SREBF2: variants seen among roughly 807,000 people sequenced by gnomAD.
The protein encoded by SREBF2 is sterol regulatory element binding transcription factor 2.
SREBF2 carries 55 observed loss-of-function variants against 113.1 expected under a neutral mutation model. That is an observed-to-expected ratio of 0.49 (90% CI 0.39 to 0.61). SREBF2 has a LOEUF of 0.61. SREBF2 is among the 20% of genes least tolerant of loss of function. SREBF2 has a pLI of 0.00. For missense variants in SREBF2, 1,349 were observed against 1,487.4 expected (o/e 0.91, Z 1.53); for synonymous variants, 593 against 605.7 (o/e 0.98, Z 0.31).
At chr22:41,836,999 C>G (rs2076781940) in intron 1 of SREBF2, among the ~76,000 whole-genome samples, 1 of 152,166 alleles carries the variant, frequency 6.6e-6, no homozygotes, top group Non-Finnish European at 1.5e-5. Flanking sequence ...TCTAAGTATT[C>G]ATGATGGACA....
intron 8 of SREBF2, 119 bp downstream of exon 8, chr22:41,877,540 C>T: frequency 1.7e-6 from 2 of 1,195,188 alleles, no homozygotes; most frequent in South Asian, 2.6e-5. Flanking sequence ...ATAGTGGGCC[C>T]CCACCTGCTT....
chr22:41,863,400 T>C (rs1036493995), intron 1 of SREBF2, among the ~76,000 whole-genome samples: 1 of 152,260 alleles, frequency 6.6e-6, no homozygotes, highest in Non-Finnish European at 1.5e-5. Context: ...CTTCTGGCTC[T>C]GTGTTACAGC....
chr22:41,871,154 C>T (rs1056195569), intron 4 of SREBF2, 119 bp downstream of exon 4: 15 of 1,363,590 alleles, frequency 1.1e-5, no homozygotes, highest in South Asian at 2.6e-5. Flanking sequence ...TAGCACAAAT[C>T]AGTCAAATTG....
intron 1 of SREBF2, among the ~76,000 whole-genome samples, chr22:41,853,619 C>G (rs895641293): frequency 1.5e-4 from 23 of 152,188 alleles, no homozygotes; most frequent in African/African-American, 5.5e-4. Context: ...ACATACTTAC[C>G]TCCCTAAAAG....
chr22:41,894,611 T>C (rs1208216281), intron 12 of SREBF2, among the ~76,000 whole-genome samples: 3 of 152,112 alleles, frequency 2.0e-5, no homozygotes. Flanking sequence ...CCGGAGCTCA[T>C]CCAGAACTAG....
intron 16 of SREBF2, among the ~76,000 whole-genome samples, chr22:41,901,717 A>C (rs979311521): frequency 2.0e-5 from 3 of 152,224 alleles, no homozygotes; most frequent in Non-Finnish European, 4.4e-5. Flanking sequence ...CCAAAGGCAG[A>C]TGGTGAGCCA....
intron 13 of SREBF2, 110 bp downstream of exon 13, chr22:41,895,047 G>A: frequency 3.6e-6 from 3 of 827,418 alleles, no homozygotes; most frequent in East Asian, 5.2e-5. Flanking sequence ...CATCGGGTTG[G>A]CAGGGCAATC....
intron 15 of SREBF2, chr22:41,899,460 G>A (rs1043887303): frequency 2.8e-5 from 28 of 996,004 alleles, no homozygotes; most frequent in Non-Finnish European, 3.2e-5. Flanking sequence ...CTCCAAGACA[G>A]AAAGGCCCCA....
chr22:41,879,374 T>C (rs2077225448), intron 9 of SREBF2, among the ~76,000 whole-genome samples: 1 of 151,716 alleles, frequency 6.6e-6, no homozygotes, highest in African/African-American at 2.4e-5. Context: ...CCCTGTAGAG[T>C]GAGCAGTGAT....
At chr22:41,849,772 C>T (rs1415567313) in intron 1 of SREBF2, among the ~76,000 whole-genome samples, 1 of 152,132 alleles carries the variant, frequency 6.6e-6, no homozygotes, top group African/African-American at 2.4e-5. Context: ...TTTCCCCATT[C>T]CCCTTGATGC....
At position 41,877,384 on chromosome 22, in the gene SREBF2, C is replaced by T. The variant is rs1448218712; in HGVS notation, c.1542C>T (p.His514=). ...GGAHDSDQHP[H]SGSGRSVLSF... ...CCCACGACTCTGACCAGCACCCACA[C>T]TCAGGCTCTGGCCGCAGTGTCCTGT... The change falls in exon 8 of 19, where the codon CAC becomes CAT. Residue 514 remains histidine (H), a synonymous_variant. Transcript: ENST00000361204. 1.9e-6 allele frequency: 3 copies of T among 1,614,208 alleles called. No individual in the cohort carries two copies. Among genetic ancestry groups the T allele is most frequent in the South Asian group, 2.2e-5 (2 of 91,088 alleles).
intron 1 of SREBF2, among the ~76,000 whole-genome samples, chr22:41,864,249 T>TATATATAC (rs2077051404): frequency 1.0e-5 from 1 of 96,798 alleles, no homozygotes; most frequent in African/African-American, 4.2e-5. Context: ...TATATATATA[T>TATATATAC]ATATATATAT....
At chr22:41,852,098 G>A (rs1007885493) in intron 1 of SREBF2, among the ~76,000 whole-genome samples, 4 of 152,028 alleles carry the variant, frequency 2.6e-5, no homozygotes, top group South Asian at 4.1e-4. Flanking sequence ...TCCAGCCTGG[G>A]CGATAGAGAG....
intron 1 of SREBF2, among the ~76,000 whole-genome samples, chr22:41,852,076 G>A (rs1253059486): frequency 6.6e-6 from 1 of 151,982 alleles, no homozygotes; most frequent in East Asian, 1.9e-4. Context: ...AGCAGAGATT[G>A]TGCCACTGCA....
At chr22:41,850,088 C>T (rs964030019) in intron 1 of SREBF2, among the ~76,000 whole-genome samples, 2 of 151,586 alleles carry the variant, frequency 1.3e-5, no homozygotes, top group Middle Eastern at 3.2e-3. Context: ...TGCAGTGAGC[C>T]GAGATTACCC....
At chr22:41,839,337 G>A (rs2076806640) in intron 1 of SREBF2, among the ~76,000 whole-genome samples, 1 of 152,202 alleles carries the variant, frequency 6.6e-6, no homozygotes, top group South Asian at 2.1e-4. Flanking sequence ...GGAGATTGAA[G>A]AGAGTCACTG....
intron 16 of SREBF2, among the ~76,000 whole-genome samples, chr22:41,902,282 C>T (rs541635642): frequency 4.6e-5 from 7 of 152,168 alleles, no homozygotes; most frequent in Non-Finnish European, 1.0e-4. Context: ...CCCCATAGGT[C>T]GTAGGCAGAG....
chr22:41,881,784 C>T (rs2077247934), intron 10 of SREBF2, among the ~76,000 whole-genome samples: 1 of 152,132 alleles, frequency 6.6e-6, no homozygotes, highest in African/African-American at 2.4e-5. Flanking sequence ...TTAGAAGAGT[C>T]AGGCTGGGCA....
intron 1 of SREBF2, among the ~76,000 whole-genome samples, chr22:41,843,431 C>T (rs1214225230): frequency 6.6e-6 from 1 of 152,208 alleles, no homozygotes; most frequent in Non-Finnish European, 1.5e-5. Flanking sequence ...TGCCAGGCAC[C>T]GTTCCATGCC....
Sources: gnomAD v4.1 joint callset for allele counts (sites outside exome capture counted in the v4.1 genomes callset) on GRCh38, gnomAD v4.1.1 for gene constraint, MANE v1.5 for transcripts, NCBI Gene and HGNC (gene_info 2026-07-23, HGNC 2026-07-21) for gene names.